Variants in TSPAN14 observed in about 807,000 individuals in gnomAD.
The protein encoded by TSPAN14 is tetraspanin 14.
A neutral mutation model predicts 36.6 loss-of-function variants in TSPAN14; 16 were observed. That is an observed-to-expected ratio of 0.44 (90% CI 0.30 to 0.66). The LOEUF is 0.66. Among genes scored for constraint, TSPAN14 ranks in the 30% least tolerant of loss-of-function variants. TSPAN14 has a pLI of 0.12. For synonymous variants in TSPAN14, 139 were observed against 143.8 expected (o/e 0.97, Z 0.24); for missense variants, 231 against 355.1 (o/e 0.65, Z 2.81).
chr10:80,461,642 G>A (rs1208037453), intron 1 of TSPAN14, among the ~76,000 whole-genome samples: 1 of 151,914 alleles, frequency 6.6e-6, no homozygotes, highest in Non-Finnish European at 1.5e-5. Flanking sequence ...TCTGGTGTAG[G>A]GTAGCCCTGA....
intron 5 of TSPAN14, among the ~76,000 whole-genome samples, chr10:80,511,711 C>T (rs1355690635): frequency 1.0e-3 from 27 of 25,752 alleles, no homozygotes; most frequent in Non-Finnish European, 1.6e-3. Context: ...AAGGGCAGGT[C>T]CTCTCTCTCT....
At chr10:80,495,240 G>A (rs1487281551) in intron 2 of TSPAN14, among the ~76,000 whole-genome samples, 3 of 152,262 alleles carry the variant, frequency 2.0e-5, no homozygotes, top group African/African-American at 7.2e-5. Flanking sequence ...GGGTCACAAG[G>A]TGTGTACATT....
At chr10:80,515,755 G>T (rs1462999543) in intron 7 of TSPAN14, 3 of 165,296 alleles carry the variant, frequency 1.8e-5, no homozygotes, top group Non-Finnish European at 4.0e-5. Context: ...TTGCCTGCTG[G>T]CTCTGTCTCC....
chr10:80,471,045 G>A (rs1846522738), intron 1 of TSPAN14, among the ~76,000 whole-genome samples: 2 of 152,162 alleles, frequency 1.3e-5, no homozygotes, highest in Non-Finnish European at 2.9e-5. Context: ...GCTTTAGGGA[G>A]CATTTCCTGA....
At chr10:80,476,418 T>G (rs865962292) in intron 1 of TSPAN14, among the ~76,000 whole-genome samples, 43 of 143,056 alleles carry the variant, frequency 3.0e-4, no homozygotes, top group African/African-American at 6.3e-4. Context: ...TGTTTTTTTT[T>G]TTTTTTTTTT....
chr10:80,489,160 G>T (rs1847788446), intron 1 of TSPAN14, 57 bp from the exon 2 acceptor site: 5 of 1,183,074 alleles, frequency 4.2e-6, no homozygotes. Context: ...GAGCTGGTTT[G>T]GGGGAAAGGT....
chr10:80,465,455 C>T (rs1340260711), intron 1 of TSPAN14, among the ~76,000 whole-genome samples: 2 of 152,198 alleles, frequency 1.3e-5, no homozygotes, highest in Non-Finnish European at 2.9e-5. Flanking sequence ...CAGCACACAG[C>T]GCTGGTGGGG....
chr10:80,512,211 C>T, exon 6 of TSPAN14: 1 of 1,614,198 alleles, frequency 6.2e-7, no homozygotes, highest in South Asian at 1.1e-5. Flanking sequence ...TGCAGCGGTG[C>T]CAGCTACAGC....
chr10:80,455,467 A>T (rs1845694363), intron 1 of TSPAN14, among the ~76,000 whole-genome samples: 1 of 151,948 alleles, frequency 6.6e-6, no homozygotes, highest in Non-Finnish European at 1.5e-5. Context: ...CTCCCTTCCG[A>T]GAGGGAGTTG....
chr10:80,482,860 C>T (rs1006345712), intron 1 of TSPAN14, among the ~76,000 whole-genome samples: 4 of 151,464 alleles, frequency 2.6e-5, no homozygotes, highest in African/African-American at 9.7e-5. Flanking sequence ...CTCAGCTTCC[C>T]GAGTAGCTGG....
At chr10:80,463,392 C>T (rs1846080647) in intron 1 of TSPAN14, among the ~76,000 whole-genome samples, 1 of 152,174 alleles carries the variant, frequency 6.6e-6, no homozygotes, top group Non-Finnish European at 1.5e-5. Flanking sequence ...TCCCTGACCC[C>T]TTCAGTTCTG....
chr10:80,509,217 T>C lies in TSPAN14; in HGVS notation c.280-84T>C, dbSNP rs548818670. The C allele has an allele frequency of 4.1e-6, 6 of 1,447,386 alleles. No homozygotes were observed. Among genetic ancestry groups the C allele is most frequent in the Non-Finnish European group, 5.7e-6 (6 of 1,057,750 alleles). The allele number at this position is 1,447,386 out of a possible 1,614,324, so 89.7% of individuals were successfully genotyped here. On this transcript the variant is annotated intron_variant, in intron 4 of 8. Coordinates refer to ENST00000429989, the Ensembl canonical transcript of TSPAN14. This position sits in a 1 kb window ranked among gnomAD's most constrained non-coding sequence, Gnocchi z 4.7. ...AGAGCCCACGCTCTGCTGAGGATGG[T>C]GGTTCTGGGTCAGGTGGGGTTATGT...
At chr10:80,456,258 G>C (rs1262470775) in intron 1 of TSPAN14, among the ~76,000 whole-genome samples, 1 of 151,662 alleles carries the variant, frequency 6.6e-6, no homozygotes, top group Non-Finnish European at 1.5e-5. Context: ...ACGGGGTTGT[G>C]GGGGGGGTCT....
rs554832269 is a variant in TSPAN14 at position 80,502,658 on chromosome 10, G to A, written c.82-2070G>A. 1.4e-3 allele frequency among the ~76,000 whole-genome samples: 211 copies of A among 152,186 alleles called. 1 individual carries two copies. Among genetic ancestry groups the A allele is most frequent in the African/African-American group, 4.5e-3 (188 of 41,492 alleles). On this transcript the variant is annotated intron_variant, in intron 2 of 8. Transcript: ENST00000429989. ...GACGGAGAAGAGTTGGGGGGAGCTCGGTTGGGGTTGGGGGACCAAGGCTGC... is the reference window on the plus strand; with the variant it reads ...GACGGAGAAGAGTTGGGGGGAGCTCAGTTGGGGTTGGGGGACCAAGGCTGC...
intron 2 of TSPAN14, among the ~76,000 whole-genome samples, chr10:80,498,922 A>G (rs1239982960): frequency 2.6e-5 from 4 of 152,174 alleles, no homozygotes; most frequent in Non-Finnish European, 4.4e-5. Flanking sequence ...GGCTTTGTTC[A>G]GGGGAAGAGG....
At chr10:80,477,608 C>CCT (rs2131986710) in intron 1 of TSPAN14, among the ~76,000 whole-genome samples, 1 of 152,212 alleles carries the variant, frequency 6.6e-6, no homozygotes, top group Admixed American at 6.5e-5. Flanking sequence ...GGAACGTGGG[C>CCT]ATCAGAGGTT....
intron 3 of TSPAN14, 162 bp from the exon 4 acceptor site, chr10:80,507,066 C>T (rs1013352472): frequency 3.3e-5 from 29 of 884,444 alleles, no homozygotes; most frequent in African/African-American, 2.5e-4. Context: ...TCGGAGGGGC[C>T]CCTAAGGGCA....
intron 5 of TSPAN14, among the ~76,000 whole-genome samples, chr10:80,511,768 C>G (rs1297644696): frequency 4.2e-5 from 5 of 118,714 alleles, no homozygotes; most frequent in South Asian, 3.0e-4. Context: ...CTCTCTCTCT[C>G]TCTCCCCTTT....
chr10:80,488,276 C>T (rs7897760), intron 1 of TSPAN14, among the ~76,000 whole-genome samples: 9,425 of 152,266 alleles, frequency 0.062, 971 homozygotes, highest in African/African-American at 0.21. Flanking sequence ...CTTCGGGGTC[C>T]ACCTGGATTG....
Sources: gnomAD v4.1 joint callset for allele counts (sites outside exome capture counted in the v4.1 genomes callset) on GRCh38, gnomAD v4.1.1 for gene constraint, Gnocchi (gnomAD v3.1) non-coding constraint, MANE v1.5 for transcripts, NCBI Gene and HGNC (gene_info 2026-07-23, HGNC 2026-07-21) for gene names.